Variants in COL4A1 observed in about 807,000 individuals in gnomAD.
COL4A1 encodes collagen alpha-1(IV) chain.
In COL4A1, 40 loss-of-function variants were observed where a neutral mutation model predicts 216.6. The observed-to-expected ratio is 0.18, with a 90% confidence interval of 0.14 to 0.24. COL4A1 has a LOEUF of 0.24. COL4A1 is among the 10% of genes least tolerant of loss of function. COL4A1 has a pLI of 1.00. For synonymous variants in COL4A1, 839 were observed against 810.7 expected (o/e 1.03, Z -0.59); for missense variants, 1,628 against 2,196.8 (o/e 0.74, Z 5.18).
chr13:110,180,272 G>T lies in COL4A1; in HGVS notation c.2194-851C>A, dbSNP rs150947500. ...TCTTGCACTAAGTTTAAGATGATCC[G>T]CAAGTTGCCGCGGTTGACTAAATGT... On this transcript the variant is annotated intron_variant, in intron 29 of 51. Coordinates refer to ENST00000375820, the MANE Select transcript of COL4A1 (RefSeq NM_001845.6). Among the ~76,000 whole-genome samples the T allele has an allele frequency of 3.6e-4, 55 of 152,332 alleles. No homozygotes were observed. In the East Asian group the frequency reaches 0.01, roughly 29 times the overall value.
intron 25 of COL4A1, 112 bp from the exon 26 acceptor site, chr13:110,186,665 A>G (rs2139173517): frequency 7.4e-7 from 1 of 1,356,626 alleles, no homozygotes; most frequent in South Asian, 1.3e-5. Context: ...ACTGGCTCAC[A>G]CTATTTATTT....
rs2131939 is a variant in COL4A1 at position 110,179,490 on chromosome 13, G to A, written c.2194-69C>T. On this transcript the variant is annotated intron_variant, in intron 29 of 51. Transcript: ENST00000375820. ...TCAGTATTTTTATCAAACCAATAGC[G>A]TAAGTGAAGACTTAACAGATACTGC... 0.12 allele frequency: 199,286 copies of A among 1,605,950 alleles called. 13,455 individuals carry two copies. The highest frequency in any genetic ancestry group is 0.15 in the South Asian group (13,970 of 90,902).
intron 31 of COL4A1, 42 bp downstream of exon 31, chr13:110,178,881 C>G: frequency 6.7e-7 from 1 of 1,500,432 alleles, no homozygotes; most frequent in South Asian, 1.2e-5. Flanking sequence ...TTCAGAAAAG[C>G]ATGCTTTTGG....
Position 110,186,473 on chromosome 13 carries a change from A to G in COL4A1, c.1809T>C (p.Pro603=). ...FPGSRGDTGP[P]GPPGYGPAGP... is the part of the protein sequence containing the mutation. The stretch of plus-strand genomic sequence containing the variant: ...CAGCAGGACCATATCCTGGAGGCCC[A>G]GGGGGGCCGGTGTCACCACGACTGC... The change falls in exon 26 of 52, where the codon CCT becomes CCC. Residue 603 remains proline (P), a synonymous_variant. Coordinates refer to ENST00000375820, the MANE Select transcript of COL4A1 (RefSeq NM_001845.6). 4 of 1,613,710 alleles carry G rather than the reference A, an allele frequency of 2.5e-6. No individual in the cohort carries two copies. Among genetic ancestry groups the G allele is most frequent in the Non-Finnish European group, 3.4e-6 (4 of 1,179,884 alleles).
rs34030038 is a variant in COL4A1 at position 110,268,014 on chromosome 13, C to CA, written c.85-25281dup. ...ACACCTAGAACACAGCTGCCCCCCTCAAAAAAAAAATACAGAAAAAAGAAA... is the reference window on the plus strand; with the variant it reads ...ACACCTAGAACACAGCTGCCCCCCTCAAAAAAAAAAATACAGAAAAAAGAAA... On this transcript the variant is annotated intron_variant, in intron 1 of 51. Coordinates refer to ENST00000375820, the MANE Select transcript of COL4A1 (RefSeq NM_001845.6). This position sits in a 1 kb window ranked among gnomAD's most constrained non-coding sequence, Gnocchi z 4.1. Among the ~76,000 whole-genome samples the CA allele has an allele frequency of 2.0e-4, 30 of 150,222 alleles. No homozygotes were observed. Among genetic ancestry groups the CA allele is most frequent in the African/African-American group, 5.4e-4 (22 of 40,772 alleles).
intron 1 of COL4A1, among the ~76,000 whole-genome samples, chr13:110,251,009 T>C (rs1017201539): frequency 2.6e-5 from 4 of 152,242 alleles, no homozygotes; most frequent in African/African-American, 9.6e-5. Flanking sequence ...CCACCAGCCC[T>C]GCTCCCATCC....
intron 33 of COL4A1, among the ~76,000 whole-genome samples, chr13:110,177,379 G>C (rs1488606259): frequency 6.6e-6 from 1 of 152,142 alleles, no homozygotes; most frequent in African/African-American, 2.4e-5. Flanking sequence ...TAATAGAACA[G>C]GAATTTTATC....
intron 48 of COL4A1, 48 bp from the exon 49 acceptor site, chr13:110,161,417 A>G (rs1173945802): frequency 1.3e-6 from 2 of 1,551,006 alleles, no homozygotes; most frequent in Non-Finnish European, 1.7e-6. Context: ...ATAATTCACA[A>G]TCTATCTCTA....
At chr13:110,234,610 C>G (rs1008906840) in intron 2 of COL4A1, among the ~76,000 whole-genome samples, 1 of 151,914 alleles carries the variant, frequency 6.6e-6, no homozygotes. Context: ...AACAGGGGGG[C>G]GTTCAAATAA....
rs1346083693 is a variant in COL4A1 at position 110,214,079 on chromosome 13, A to G, written c.145-64T>C. 4 of 1,326,248 alleles carry G rather than the reference A, an allele frequency of 3.0e-6. No individual in the cohort carries two copies. In the Admixed American group the frequency reaches 5.0e-5, roughly 17 times the overall value. The allele number at this position is 1,326,248 out of a possible 1,614,324, so 82.2% of individuals were successfully genotyped here. On this transcript the variant is annotated intron_variant, in intron 2 of 51. Coordinates refer to ENST00000375820, the MANE Select transcript of COL4A1 (RefSeq NM_001845.6). The stretch of plus-strand genomic sequence containing the variant: ...TAAAGAACAGAGGAAGGAATTGGTG[A>G]CCAACTGTGATGGCTATATATATAT...
chr13:110,249,023 C>A (rs1373076727), intron 1 of COL4A1, among the ~76,000 whole-genome samples: 1 of 152,088 alleles, frequency 6.6e-6, no homozygotes, highest in Non-Finnish European at 1.5e-5. Context: ...CAAAATGGCT[C>A]TCCCCAGCTC....
intron 49 of COL4A1, among the ~76,000 whole-genome samples, chr13:110,156,130 A>G (rs750734310): frequency 6.6e-6 from 1 of 152,230 alleles, no homozygotes; most frequent in Non-Finnish European, 1.5e-5. Context: ...TGTCTTGTAG[A>G]AGGGGAAAAT....
intron 2 of COL4A1, among the ~76,000 whole-genome samples, chr13:110,223,115 A>C (rs894055534): frequency 6.6e-6 from 1 of 152,204 alleles, no homozygotes; most frequent in African/African-American, 2.4e-5. Context: ...TTTGAATCTA[A>C]TGACAATACA....
intron 1 of COL4A1, among the ~76,000 whole-genome samples, chr13:110,303,905 G>C (rs1884589836): frequency 6.6e-6 from 1 of 152,250 alleles, no homozygotes; most frequent in South Asian, 2.1e-4. Context: ...TCCGTGTGAG[G>C]AAGGGACAGA....
At chr13:110,208,059 T>C (rs1879599627) in intron 12 of COL4A1, among the ~76,000 whole-genome samples, 1 of 152,228 alleles carries the variant, frequency 6.6e-6, no homozygotes, top group Non-Finnish European at 1.5e-5. Context: ...CCCCACTGTA[T>C]TGGGCGCTCT....
chr13:110,281,967 T>G (rs1254263750), intron 1 of COL4A1, among the ~76,000 whole-genome samples: 1 of 152,136 alleles, frequency 6.6e-6, no homozygotes, highest in Non-Finnish European at 1.5e-5. Flanking sequence ...ACACAACAGC[T>G]CCCTTCAGTT....
At chr13:110,162,498 C>T in intron 47 of COL4A1, 56 bp from the exon 48 acceptor site, 1 of 1,231,504 alleles carries the variant, frequency 8.1e-7, no homozygotes, top group Non-Finnish European at 1.2e-6. Context: ...CCCCTAAAGG[C>T]TTTCAAAATC....
intron 20 of COL4A1, among the ~76,000 whole-genome samples, chr13:110,199,126 G>T (rs1370138145): frequency 6.6e-6 from 1 of 152,184 alleles, no homozygotes; most frequent in Non-Finnish European, 1.5e-5. Context: ...AACATATCAG[G>T]TCAGGTTCAG....
At position 110,170,746 on chromosome 13, in the gene COL4A1, A is replaced by C; in HGVS notation, c.3557-14T>G. Reference sequence around the variant, plus strand: ...CACCCTTTGAACCTGAACAAGAAAAACAGTTTGAGGTGATGGGAAACGCAG... The same window carrying C: ...CACCCTTTGAACCTGAACAAGAAAACCAGTTTGAGGTGATGGGAAACGCAG... On this transcript the variant is annotated splice_polypyrimidine_tract_variant and intron_variant, in intron 41 of 51. Coordinates refer to ENST00000375820, the MANE Select transcript of COL4A1 (RefSeq NM_001845.6). 3 of 1,614,026 alleles carry C rather than the reference A, an allele frequency of 1.9e-6. No homozygotes were observed.
Sources: gnomAD v4.1 joint callset for allele counts (sites outside exome capture counted in the v4.1 genomes callset) on GRCh38, gnomAD v4.1.1 for gene constraint, Gnocchi (gnomAD v3.1) non-coding constraint, MANE v1.5 for transcripts, NCBI Gene and HGNC (gene_info 2026-07-23, HGNC 2026-07-21) for gene names.